MYO1B: variants seen among roughly 807,000 people sequenced by gnomAD.
The protein encoded by MYO1B is myosin IB.
Under a neutral mutation model 159.7 loss-of-function variants are expected in MYO1B, and 72 were observed. That is an observed-to-expected ratio of 0.45 (90% CI 0.37 to 0.55). The LOEUF (loss-of-function observed/expected upper bound fraction) is 0.55, where lower values mean the gene tolerates loss of function less well. MYO1B is among the 20% of genes least tolerant of loss of function. The pLI is 0.00. For synonymous variants in MYO1B, 468 were observed against 473.8 expected, an observed-to-expected ratio of 0.99 and a Z score of 0.16; for missense variants, 1,062 against 1,364.8, an observed-to-expected ratio of 0.78 and a Z score of 3.50.
chr2:191,292,196 T>G (rs1688725386), intron 2 of MYO1B, among the ~76,000 whole-genome samples: 1 of 152,206 alleles, frequency 6.6e-6, no homozygotes, highest in Non-Finnish European at 1.5e-5. Context: ...TGGATAAAAC[T>G]TGTCCTGCTT....
At chr2:191,400,932 G>A in intron 23 of MYO1B, 97 bp downstream of exon 23, 2 of 1,177,032 alleles carry the variant, frequency 1.7e-6, no homozygotes, top group Non-Finnish European at 2.4e-6. Flanking sequence ...ACAATTAATA[G>A]TGGCTCACAC....
rs1159016855 is a variant in MYO1B at position 191,418,482 on chromosome 2, A to ATTTTTTTTTTTTTTTT, written c.3287+2249_3287+2264dup. Among the ~76,000 whole-genome samples, 5 of 81,044 alleles carry ATTTTTTTTTTTTTTTT rather than the reference A, an allele frequency of 6.2e-5. 1 individual carries two copies. Among genetic ancestry groups the ATTTTTTTTTTTTTTTT allele is most frequent in the Non-Finnish European group, 6.6e-5 (3 of 45,764 alleles). 53.2% of individuals were successfully genotyped at this position (81,044 alleles called of 152,430 possible). A position where few individuals can be genotyped will look rare whatever the true frequency, so the allele number is the denominator to read the frequency against. ...CAAAGTCCTGTTTACTCTTTAGTGG[A>ATTTTTTTTTTTTTTTT]TTTTTTTTTTTTTTTTTTTTTTTTG... On this transcript the variant is annotated intron_variant, in intron 30 of 30. Coordinates refer to ENST00000392318, the MANE Select transcript of MYO1B (RefSeq NM_001130158.3).
intron 12 of MYO1B, 63 bp from the exon 13 acceptor site, chr2:191,370,164 T>C: frequency 9.8e-7 from 1 of 1,019,792 alleles, no homozygotes; most frequent in African/African-American, 1.6e-5. Context: ...TCTATGTTCC[T>C]TGGATGCTTG....
At chr2:191,395,820 T>C (rs1041048711) in intron 20 of MYO1B, among the ~76,000 whole-genome samples, 3 of 152,270 alleles carry the variant, frequency 2.0e-5, no homozygotes, top group African/African-American at 7.2e-5. Flanking sequence ...ACTGTTGACC[T>C]GTGTTCACTT....
chr2:191,413,141 G>A (rs990654527), intron 27 of MYO1B, among the ~76,000 whole-genome samples: 5 of 152,130 alleles, frequency 3.3e-5, no homozygotes, highest in African/African-American at 4.8e-5. Context: ...AGATGCAAGC[G>A]TAATGTATAA....
intron 4 of MYO1B, among the ~76,000 whole-genome samples, chr2:191,335,846 C>T (rs958848528): frequency 6.6e-6 from 1 of 152,180 alleles, no homozygotes; most frequent in Admixed American, 6.5e-5. Flanking sequence ...ACATTGGAGA[C>T]ACTCTTAAGC....
intron 2 of MYO1B, among the ~76,000 whole-genome samples, chr2:191,287,369 A>C (rs990412972): frequency 5.3e-5 from 8 of 151,950 alleles, no homozygotes; most frequent in Non-Finnish European, 7.4e-5. Context: ...CTCTACTAAA[A>C]ATACAAAAAA....
chr2:191,423,808 C>G (rs750371777), intron 30 of MYO1B, 29 bp from the exon 31 acceptor site: 1 of 1,597,684 alleles, frequency 6.3e-7, no homozygotes, highest in Non-Finnish European at 8.5e-7. Flanking sequence ...TTTGTGTATA[C>G]TTTAATTTGT....
At chr2:191,414,250 T>A in intron 28 of MYO1B, 70 bp downstream of exon 28, 1 of 1,527,190 alleles carries the variant, frequency 6.5e-7, no homozygotes, top group Non-Finnish European at 8.8e-7. Context: ...GTTTTCTGAA[T>A]GTAAAAATTT....
intron 13 of MYO1B, among the ~76,000 whole-genome samples, chr2:191,372,956 G>A (rs1344794388): frequency 7.2e-6 from 1 of 139,472 alleles, no homozygotes; most frequent in Non-Finnish European, 1.5e-5. Context: ...GTGCGATCTC[G>A]GCTCACTACA....
intron 27 of MYO1B, 33 bp from the exon 28 acceptor site, chr2:191,414,015 T>C: frequency 6.4e-7 from 1 of 1,561,152 alleles, no homozygotes; most frequent in Non-Finnish European, 8.6e-7. Flanking sequence ...CATTTGAAAC[T>C]ATTTCTAATG....
chr2:191,387,969 T>G lies in MYO1B; in HGVS notation c.1781+519T>G, dbSNP rs570129484. ...ATGATTCCTAAAGCAATCTGAATTTTTTTCAAGGCAGTAGAAAGACCTTCT... is the reference window on the plus strand; with the variant it reads ...ATGATTCCTAAAGCAATCTGAATTTGTTTCAAGGCAGTAGAAAGACCTTCT... On this transcript the variant is annotated intron_variant, in intron 17 of 30. Transcript: ENST00000392318. 26 of 163,206 alleles carry G rather than the reference T, an allele frequency of 1.6e-4. 1 individual carries two copies. In the South Asian group the frequency reaches 4.3e-3, roughly 27 times the overall value. 10.1% of individuals were successfully genotyped at this position (163,206 alleles called of 1,614,324 possible).
intron 6 of MYO1B, among the ~76,000 whole-genome samples, chr2:191,347,480 A>G (rs1692640241): frequency 6.6e-6 from 1 of 152,250 alleles, no homozygotes; most frequent in Admixed American, 6.5e-5. Context: ...CTGTTTGCAA[A>G]TTACATACAC....
chr2:191,276,459 A>G (rs1687753666), intron 1 of MYO1B, among the ~76,000 whole-genome samples: 1 of 152,222 alleles, frequency 6.6e-6, no homozygotes. Context: ...TGTGGCAAGT[A>G]AACAACAAAT....
rs916782725 is a variant in MYO1B at position 191,393,359 on chromosome 2, T to C, written c.2226+137T>C. Reference sequence around the variant, plus strand: ...TGAGATAATGGATGTTCTTAATGGTTCTTTTTTTTAAAGATGAGAAAACTA... The same window carrying C: ...TGAGATAATGGATGTTCTTAATGGTCCTTTTTTTTAAAGATGAGAAAACTA... On this transcript the variant is annotated intron_variant, in intron 20 of 30. Transcript: ENST00000392318. 7 of 1,076,828 alleles carry C rather than the reference T, an allele frequency of 6.5e-6. No individual in the cohort carries two copies. In the East Asian group the frequency reaches 1.8e-4, roughly 28 times the overall value. 66.7% of individuals were successfully genotyped at this position (1,076,828 alleles called of 1,614,324 possible).
intron 1 of MYO1B, among the ~76,000 whole-genome samples, chr2:191,262,536 C>T (rs1686881173): frequency 6.6e-6 from 1 of 152,154 alleles, no homozygotes; most frequent in African/African-American, 2.4e-5. Flanking sequence ...GACTCTGAGC[C>T]TTAGTTGTTG....
chr2:191,422,871 G>T (rs1698031316), intron 30 of MYO1B, among the ~76,000 whole-genome samples: 1 of 151,992 alleles, frequency 6.6e-6, no homozygotes, highest in Non-Finnish European at 1.5e-5. Context: ...AATATAACCT[G>T]TTGGTCTTTC....
chr2:191,311,784 G>A (rs1348033137), intron 3 of MYO1B, among the ~76,000 whole-genome samples: 1 of 152,176 alleles, frequency 6.6e-6, no homozygotes, highest in African/African-American at 2.4e-5. Context: ...AACACATGTA[G>A]CTATTTAAGA....
At chr2:191,258,648 TTA>T (rs1686604136) in intron 1 of MYO1B, among the ~76,000 whole-genome samples, 3 of 152,188 alleles carry the variant, frequency 2.0e-5, no homozygotes, top group Non-Finnish European at 4.4e-5. Context: ...AGGGCAGCGG[TTA>T]TAGCTGCTTA....
Sources: allele counts gnomAD v4.1 joint callset (sites outside exome capture counted in the v4.1 genomes callset), GRCh38; gene constraint gnomAD v4.1.1; transcripts MANE v1.5; gene names NCBI Gene and HGNC (gene_info 2026-07-23, HGNC 2026-07-21).